The following PKD1L3 variants were observed in gnomAD, a reference collection of about 807,000 sequenced individuals.
The protein encoded by PKD1L3 is polycystin-1-like protein 3.
Under a neutral mutation model 184.1 loss-of-function variants are expected in PKD1L3, and 239 were observed. The ratio of observed to expected loss-of-function variants is 1.30; its 90% confidence interval spans 1.17 to 1.45. The LOEUF is 1.45. PKD1L3 is among the 40% of genes most tolerant of loss of function. The pLI is 0.00. For missense variants in PKD1L3, 2,660 were observed against 2,067.2 expected (o/e 1.29, Z -5.56); for synonymous variants, 996 against 778.8 (o/e 1.28, Z -4.64).
Position 71,963,191 on chromosome 16 carries a change from T to G in PKD1L3, c.2612+14A>C, listed in dbSNP as rs2143532412. ...CATCAATATTCACTGTTAATAGTAATTTTCCAACAGTACCTAAAGGAAAAG... is the reference window on the plus strand; with the variant it reads ...CATCAATATTCACTGTTAATAGTAAGTTTCCAACAGTACCTAAAGGAAAAG... On this transcript the variant is annotated intron_variant, in intron 16 of 29. Transcript: ENST00000620267. 1 of 1,538,476 alleles carries G rather than the reference T, an allele frequency of 6.5e-7. No individual in the cohort carries two copies. Among genetic ancestry groups the G allele is most frequent in the East Asian group, 2.5e-5 (1 of 40,682 alleles).
chr16:71,954,306 A>G lies in PKD1L3; in HGVS notation c.2613-5T>C, dbSNP rs1239845251. ...ATCATGGAGGAAAACAGATGTCTGA[A>G]AAGAGAAATCAGAAGAGGAAATACA... On this transcript the variant is annotated splice_region_variant and splice_polypyrimidine_tract_variant and intron_variant, in intron 16 of 29. Transcript: ENST00000620267. 4 of 1,521,926 alleles carry G rather than the reference A, an allele frequency of 2.6e-6. No homozygotes were observed. Among genetic ancestry groups the G allele is most frequent in the Non-Finnish European group, 8.8e-7 (1 of 1,131,604 alleles). 94.3% of individuals were successfully genotyped at this position (1,521,926 alleles called of 1,614,324 possible).
rs991114680 is a variant in PKD1L3 at position 71,973,384 on chromosome 16, G to C, written c.1893C>G (p.Ala631=). ...TCTCCCAGTAGTAACACTGAGTGAC[G>C]GCGGTGATGACCGAGACCAAGCTGG... is the stretch of plus-strand genomic sequence containing the variant. ...QTPSLVSVIT[A]VTQCYYWEIH... Residue 631 remains alanine (A), a synonymous_variant, in exon 12 of 30, where the codon GCC becomes GCG. Coordinates refer to ENST00000620267, the MANE Select transcript of PKD1L3 (RefSeq NM_181536.2). The C allele has an allele frequency of 6.4e-7, 1 of 1,551,596 alleles. No homozygotes were observed. The highest frequency in any genetic ancestry group is 8.7e-7 in the Non-Finnish European group (1 of 1,146,992).
chr16:71,933,435 A>C lies in PKD1L3; in HGVS notation c.4911T>G (p.Ile1637Met), dbSNP rs1213740575. 1.3e-6 allele frequency: 2 copies of C among 1,546,514 alleles called. No homozygotes were observed. Among genetic ancestry groups the C allele is most frequent in the Non-Finnish European group, 1.8e-6 (2 of 1,142,260 alleles). Reference protein sequence around the residue: ...AVTVVGLLMGISHQEEVFALD... With the variant: ...AVTVVGLLMGMSHQEEVFALD... ...TTATTTTTACCTCCTCTTGGTGAGAAATTCCCATCAGGAGACCAACAACAG... is the reference window on the plus strand; with the variant it reads ...TTATTTTTACCTCCTCTTGGTGAGACATTCCCATCAGGAGACCAACAACAG... Residue 1637 changes from isoleucine to methionine, a missense_variant, in exon 28 of 30, where the codon ATT becomes ATG. Physicochemically the swap from Ile to Met is conservative, Grantham distance 10 (BLOSUM62 1). Coordinates refer to ENST00000620267, the MANE Select transcript of PKD1L3 (RefSeq NM_181536.2).
chr16:71,984,287 G>A, intron 5 of PKD1L3, 120 bp from the exon 6 acceptor site: 1 of 981,462 alleles, frequency 1.0e-6, no homozygotes, highest in Admixed American at 2.6e-5. Flanking sequence ...ATGAACCACA[G>A]CTCTCTAAAA....
chr16:71,937,393 C>A lies in PKD1L3; in HGVS notation c.4351G>T (p.Glu1451Ter), dbSNP rs2038217136. 5.2e-6 allele frequency: 8 copies of A among 1,551,700 alleles called. No homozygotes were observed. Among genetic ancestry groups the A allele is most frequent in the Non-Finnish European group, 6.1e-6 (7 of 1,146,992 alleles). ...GACATCTGAAGGGAAGTGAAGCTTT[C>A]CAGTCTCAAAGAGGTGAAGAAAGCA... ...RGAFFTSLRL[E>*]SFTSLQMSKK... Residue 1451 changes from glutamate (E) to a stop codon, truncating the protein, a stop_gained, in exon 25 of 30, where the codon GAA (glutamate) becomes TAA (stop). Coordinates refer to ENST00000620267, the MANE Select transcript of PKD1L3 (RefSeq NM_181536.2). LOFTEE classifies it high-confidence loss of function.
chr16:71,940,546 C>G (rs2038327395), intron 24 of PKD1L3, among the ~76,000 whole-genome samples: 1 of 152,082 alleles, frequency 6.6e-6, no homozygotes, highest in African/African-American at 2.4e-5. Flanking sequence ...GTCCCCCAGG[C>G]TGGAGTGCAG....
At chr16:71,936,612 C>T (rs574873288) in intron 25 of PKD1L3, among the ~76,000 whole-genome samples, 42 of 151,248 alleles carry the variant, frequency 2.8e-4, no homozygotes, top group Middle Eastern at 6.8e-3. Flanking sequence ...CTCCGCCTCC[C>T]GAGCAGCTGG....
Position 71,969,949 on chromosome 16 carries a change from G to A in PKD1L3, c.2110C>T (p.Leu704=), listed in dbSNP as rs1226267093. Residue 704 remains leucine, a synonymous_variant, in exon 13 of 30, where the codon CTG becomes TTG. Coordinates refer to ENST00000620267, the MANE Select transcript of PKD1L3 (RefSeq NM_181536.2). ...ACATAAAATCCTAAAAGGCTGGCCA[G>A]CAGTGACACCCCAACAGGATTGTTG... The part of the protein sequence containing the change: ...VTNNPVGVSL[L]ASLLGFYVIT... 4.5e-6 allele frequency: 7 copies of A among 1,551,900 alleles called. No homozygotes were observed. The Admixed American group carries it at 9.8e-5, about 22-fold the overall frequency.
chr16:71,949,181 T>C (rs2038733190), intron 21 of PKD1L3, among the ~76,000 whole-genome samples: 1 of 152,156 alleles, frequency 6.6e-6, no homozygotes, highest in African/African-American at 2.4e-5. Context: ...TTTTTCTTAA[T>C]TAAAAACATT....
chr16:71,990,226 G>A lies in PKD1L3; in HGVS notation c.585+54C>T, dbSNP rs919756467. 1.6e-5 allele frequency: 22 copies of A among 1,398,944 alleles called. No homozygotes were observed. In the Admixed American group the frequency reaches 2.2e-4, roughly 14 times the overall value. 86.7% of individuals were successfully genotyped at this position (1,398,944 alleles called of 1,614,324 possible). On this transcript the variant is annotated intron_variant, in intron 4 of 29. Coordinates refer to ENST00000620267, the MANE Select transcript of PKD1L3 (RefSeq NM_181536.2). ...ATAGAGCTCTAACCAGATCTACTAG[G>A]TATGACAAAGAGATCAACATTTCAC...
intron 29 of PKD1L3, 154 bp downstream of exon 29, chr16:71,929,898 T>G (rs2143044186): frequency 9.0e-7 from 1 of 1,111,808 alleles, no homozygotes; most frequent in South Asian, 1.8e-5. Context: ...TAAATTGGGT[T>G]TCCTAGGAAG....
chr16:71,983,445 C>A (rs1210280086), intron 6 of PKD1L3, among the ~76,000 whole-genome samples: 1 of 152,174 alleles, frequency 6.6e-6, no homozygotes, highest in Non-Finnish European at 1.5e-5. Context: ...ATGTGTTCCA[C>A]TGAATGCCGA....
rs968680835 is a variant in PKD1L3, at chr16:71,942,989, T to A, written c.3895A>T (p.Ile1299Phe). 64 of 1,551,350 alleles carry A rather than the reference T, an allele frequency of 4.1e-5. No individual in the cohort carries two copies. The highest frequency in any genetic ancestry group is 5.5e-5 in the Non-Finnish European group (63 of 1,146,876). The change falls in exon 24 of 30, where the codon ATC (isoleucine) becomes TTC (phenylalanine). Residue 1299 changes from isoleucine (I) to phenylalanine (F), a missense_variant. Coordinates refer to ENST00000620267, the MANE Select transcript of PKD1L3 (RefSeq NM_181536.2). ...CTATTGGAGTTCTTTGCAGAGTAGA[T>A]TGCAGTCATCAACAGGGTAAGGAAG... ...ILFLTLLMTA[I>F]YSAKNSNRFY...
rs1265808862 is a variant in PKD1L3 at position 71,945,297 on chromosome 16, T to C, written c.3719-1127A>G. Among the ~76,000 whole-genome samples the C allele has an allele frequency of 1.0e-4, 7 of 70,058 alleles. 2 individuals carry two copies. Among genetic ancestry groups the C allele is most frequent in the African/African-American group, 4.0e-4 (6 of 15,038 alleles). The allele number at this position is 70,058 out of a possible 152,430, so 46.0% of individuals were successfully genotyped here. ...ATATATATATATATATATATATATA[T>C]ATATATATACACACACACACACACA... On this transcript the variant is annotated intron_variant, in intron 22 of 29. Coordinates refer to ENST00000620267, the MANE Select transcript of PKD1L3 (RefSeq NM_181536.2).
chr16:71,960,648 G>A (rs1037791514), intron 16 of PKD1L3, among the ~76,000 whole-genome samples: 1 of 152,004 alleles, frequency 6.6e-6, no homozygotes, highest in African/African-American at 2.4e-5. Context: ...ATAACTGAAG[G>A]AGAATTAAAC....
chr16:71,971,863 C>A (rs1480948628), intron 12 of PKD1L3, among the ~76,000 whole-genome samples: 1 of 152,080 alleles, frequency 6.6e-6, no homozygotes, highest in African/African-American at 2.4e-5. Context: ...GGCAGATCAC[C>A]TGAGGTCGGG....
chr16:71,956,060 G>T (rs553955735), intron 16 of PKD1L3, among the ~76,000 whole-genome samples: 1 of 152,010 alleles, frequency 6.6e-6, no homozygotes. Context: ...GTTTTACCAT[G>T]TTGCCCAGGC....
intron 24 of PKD1L3, 136 bp downstream of exon 24, chr16:71,942,424 G>T (rs1244835477): frequency 1.9e-5 from 13 of 676,200 alleles, no homozygotes; most frequent in Middle Eastern, 4.1e-4. Flanking sequence ...TTTTGGAGAT[G>T]TAAGTCTCCA....
chr16:71,973,581 T>G, intron 11 of PKD1L3, 64 bp from the exon 12 acceptor site: 5 of 1,336,966 alleles, frequency 3.7e-6, no homozygotes, highest in Non-Finnish European at 5.1e-6. Context: ...TGAACCTCTC[T>G]TCTAAAGGAT....
Sources: allele counts gnomAD v4.1 joint callset (sites outside exome capture counted in the v4.1 genomes callset), GRCh38; gene constraint gnomAD v4.1.1; transcripts MANE v1.5; gene names NCBI Gene and HGNC (gene_info 2026-07-23, HGNC 2026-07-21).